The following SRRM4 variants were observed in gnomAD, a reference collection of about 807,000 sequenced individuals.
The protein encoded by SRRM4 is serine/arginine repetitive matrix 4, also known as serine/arginine repetitive matrix protein 4.
Under a neutral mutation model 68.9 loss-of-function variants are expected in SRRM4, and 33 were observed. The observed-to-expected ratio is 0.48, with a 90% CI of 0.36 to 0.64. The LOEUF is 0.64. Ranked by LOEUF, SRRM4 falls within the 30% of genes least tolerant of loss-of-function variation. The pLI is 0.00. For synonymous variants in SRRM4, 318 were observed against 318.8 expected (o/e 1.00, Z 0.03); for missense variants, 817 against 827.1 (o/e 0.99, Z 0.15).
chr12:119,151,252 A>G, intron 10 of SRRM4, 32 bp downstream of exon 10: 1 of 1,581,722 alleles, frequency 6.3e-7, no homozygotes, highest in East Asian at 2.2e-5. Flanking sequence ...GCTCTGCAGC[A>G]CCTTTCTCCT....
At chr12:119,013,049 C>A (rs1049208562) in intron 1 of SRRM4, among the ~76,000 whole-genome samples, 6 of 152,186 alleles carry the variant, frequency 3.9e-5, no homozygotes, top group African/African-American at 1.4e-4. Context: ...CCTCCAGCAT[C>A]TCCAGATATG....
chr12:119,049,518 TC>T (rs1454703164), intron 1 of SRRM4, among the ~76,000 whole-genome samples: 1 of 152,174 alleles, frequency 6.6e-6, no homozygotes. Flanking sequence ...TAATCTGACT[TC>T]CATTTGAAAG....
intron 2 of SRRM4, among the ~76,000 whole-genome samples, chr12:119,113,610 G>C (rs1051139281): frequency 6.6e-6 from 1 of 152,136 alleles, no homozygotes; most frequent in Non-Finnish European, 1.5e-5. Flanking sequence ...CAATTCCCAA[G>C]CAGTTTTTCA....
Position 119,098,895 on chromosome 12 carries a change from C to T in SRRM4, c.132-3341C>T, listed in dbSNP as rs76520103. Among the ~76,000 whole-genome samples, 3 of 152,164 alleles carry T rather than the reference C, an allele frequency of 2.0e-5. No individual in the cohort carries two copies. The South Asian group carries it at 6.2e-4, about 32-fold the overall frequency. ...TATCCCCCACTCCATTGCTACTACA[C>T]TGATCGGAGCTTGGACTATTGCAAC... On this transcript the variant is annotated intron_variant, in intron 1 of 12. Transcript: ENST00000267260.
chr12:119,042,023 C>T (rs909675024), intron 1 of SRRM4, among the ~76,000 whole-genome samples: 3 of 152,098 alleles, frequency 2.0e-5, no homozygotes, highest in African/African-American at 4.8e-5. Context: ...ACCAACTTCA[C>T]GAACTAAGGA....
At chr12:119,008,915 C>T (rs568527607) in intron 1 of SRRM4, among the ~76,000 whole-genome samples, 1 of 151,982 alleles carries the variant, frequency 6.6e-6, no homozygotes, top group East Asian at 2.0e-4. Context: ...GAGGCAGGGC[C>T]GACCGCCACC....
At chr12:119,042,504 C>T (rs1953676123) in intron 1 of SRRM4, among the ~76,000 whole-genome samples, 1 of 151,762 alleles carries the variant, frequency 6.6e-6, no homozygotes, top group Non-Finnish European at 1.5e-5. Flanking sequence ...TGTGATCCAC[C>T]ATCCACCAAG....
At chr12:119,143,049 G>A (rs1954375949) in intron 8 of SRRM4, among the ~76,000 whole-genome samples, 1 of 152,228 alleles carries the variant, frequency 6.6e-6, no homozygotes, top group Non-Finnish European at 1.5e-5. Flanking sequence ...AGTGTGCCAT[G>A]CAGGTAAAGT....
At chr12:119,151,265 G>C in intron 10 of SRRM4, 45 bp downstream of exon 10, 1 of 1,549,596 alleles carries the variant, frequency 6.5e-7, no homozygotes, top group South Asian at 1.1e-5. Flanking sequence ...TTTCTCCTTA[G>C]GAAATTAGTT....
chr12:119,114,123 G>C, intron 2 of SRRM4, 155 bp from the exon 3 acceptor site: 1 of 570,186 alleles, frequency 1.8e-6, no homozygotes, highest in Admixed American at 3.0e-5. Context: ...TACTTAGTCT[G>C]AAGTGTGACC....
rs117963490 is a variant in SRRM4, at chr12:119,127,263, G to A, written c.614+1784G>A. On this transcript the variant is annotated intron_variant, in intron 7 of 12. Coordinates refer to ENST00000267260, the MANE Select transcript of SRRM4 (RefSeq NM_194286.4). The stretch of plus-strand genomic sequence containing the variant: ...TGGGGCTTTATTGGTGTTTGGAATC[G>A]TTGATGTTCAATGGGGACACTGAGA... Among the ~76,000 whole-genome samples the A allele has an allele frequency of 1.7e-3, 255 of 152,184 alleles. 5 individuals are homozygous for A. In the East Asian group the frequency reaches 0.036, roughly 22 times the overall value.
At chr12:119,032,447 G>A (rs1345742398) in intron 1 of SRRM4, among the ~76,000 whole-genome samples, 1 of 152,150 alleles carries the variant, frequency 6.6e-6, no homozygotes, top group Admixed American at 6.5e-5. Flanking sequence ...TCTGTAATGA[G>A]TATTGACTTT....
chr12:119,060,958 C>T (rs1338535940), intron 1 of SRRM4, among the ~76,000 whole-genome samples: 1 of 152,116 alleles, frequency 6.6e-6, no homozygotes, highest in Admixed American at 6.5e-5. Flanking sequence ...ATACCACGTC[C>T]CTTCCCCACC....
At chr12:119,045,488 C>T (rs1264796702) in intron 1 of SRRM4, among the ~76,000 whole-genome samples, 1 of 147,616 alleles carries the variant, frequency 6.8e-6, no homozygotes, top group Non-Finnish European at 1.5e-5. Flanking sequence ...TCCCCCGCTC[C>T]CCCCCGCCCC....
chr12:119,014,293 T>C (rs1284104040), intron 1 of SRRM4, among the ~76,000 whole-genome samples: 1 of 152,198 alleles, frequency 6.6e-6, no homozygotes, highest in African/African-American at 2.4e-5. Flanking sequence ...TTGTTTCCGA[T>C]GAGTACAGAG....
At position 119,162,948 on chromosome 12, in the gene SRRM4, C is replaced by T. The variant is rs982117323; in HGVS notation, c.*6150C>T. The T allele has an allele frequency of 6.6e-6, 1 of 152,270 alleles. No individual in the cohort carries two copies. The highest frequency in any genetic ancestry group is 2.4e-5 in the African/African-American group (1 of 41,462). The allele number at this position is 152,270 out of a possible 1,614,324, so 9.4% of individuals were successfully genotyped here. ...ACAGCAGCCATGGCTAGCTTGATTT[C>T]TGGTCTCCAAAGCTAAGCATAACCT... On this transcript the variant is annotated 3_prime_UTR_variant, in exon 13 of 13. Transcript: ENST00000267260.
intron 1 of SRRM4, among the ~76,000 whole-genome samples, chr12:119,065,781 G>A (rs1953841947): frequency 6.6e-6 from 1 of 151,954 alleles, no homozygotes; most frequent in South Asian, 2.1e-4. Context: ...TAATCCATGG[G>A]TCAGTGGTTG....
rs1159620023 is a variant in SRRM4, at chr12:119,064,477, C to T, written c.132-37759C>T. ...AAAGCCAGAGGAGTCAGCCAAAGTC[C>T]TCTGGTTTCCTGTTTATTAAAAGAG... On this transcript the variant is annotated intron_variant, in intron 1 of 12. Transcript: ENST00000267260. Among the ~76,000 whole-genome samples, 9 of 152,194 alleles carry T rather than the reference C, an allele frequency of 5.9e-5. No homozygotes were observed. The East Asian group carries it at 1.7e-3, about 29-fold the overall frequency.
chr12:119,061,498 G>C (rs1338791201), intron 1 of SRRM4, among the ~76,000 whole-genome samples: 1 of 152,118 alleles, frequency 6.6e-6, no homozygotes, highest in Non-Finnish European at 1.5e-5. Context: ...CTTGCCTATT[G>C]AACCTACTAG....
Sources: allele counts gnomAD v4.1 joint callset (sites outside exome capture counted in the v4.1 genomes callset), GRCh38; gene constraint gnomAD v4.1.1; transcripts MANE v1.5; gene names NCBI Gene and HGNC (gene_info 2026-07-23, HGNC 2026-07-21).